The following EPHA2 variants were observed in gnomAD, a reference collection of about 807,000 sequenced individuals.
EPHA2 encodes the protein ephrin type-A receptor 2.
In EPHA2, 54 loss-of-function variants were observed where a neutral mutation model predicts 104.9. That is an observed-to-expected ratio of 0.51 (90% CI 0.41 to 0.65). EPHA2 has a LOEUF of 0.65. Ranked by LOEUF, EPHA2 falls within the 30% of genes least tolerant of loss-of-function variation. The pLI is 0.00. For missense variants in EPHA2, 1,117 were observed against 1,369.5 expected (o/e 0.82, Z 2.91); for synonymous variants, 560 against 559.1 (o/e 1.00, Z -0.02).
At chr1:16,141,876 C>A (rs976225644) in intron 3 of EPHA2, among the ~76,000 whole-genome samples, 2 of 152,224 alleles carry the variant, frequency 1.3e-5, no homozygotes, top group South Asian at 4.1e-4. Context: ...GCCTGCCTGA[C>A]GAGATGTGCT....
At chr1:16,153,257 G>T in intron 1 of EPHA2, 1 of 985,358 alleles carries the variant, frequency 1.0e-6, no homozygotes, top group Non-Finnish European at 1.2e-6. Context: ...CCCGGTCTCC[G>T]GTCCTTCTCC....
At chr1:16,138,782 A>G (rs1440445056) in intron 3 of EPHA2, among the ~76,000 whole-genome samples, 1 of 152,176 alleles carries the variant, frequency 6.6e-6, no homozygotes, top group Non-Finnish European at 1.5e-5. Flanking sequence ...TTGACCAAGC[A>G]CGCTGCCCAC....
intron 3 of EPHA2, among the ~76,000 whole-genome samples, chr1:16,139,444 A>T (rs2024781019): frequency 6.6e-6 from 1 of 152,160 alleles, no homozygotes; most frequent in Non-Finnish European, 1.5e-5. Flanking sequence ...ACACACAATG[A>T]TCCTCTGCTC....
At chr1:16,145,575 G>A (rs112732720) in intron 3 of EPHA2, among the ~76,000 whole-genome samples, 2 of 152,112 alleles carry the variant, frequency 1.3e-5, no homozygotes, top group Non-Finnish European at 2.9e-5. Context: ...CCAGGCCTGG[G>A]GAGGGTCCGG....
In EPHA2 at chr1:16,148,779, T is replaced by C; in HGVS notation, c.422A>G (p.Lys141Arg). The change falls in exon 3 of 17, where the codon AAG (lysine) becomes AGG (arginine). Residue 141 changes from lysine (K) to arginine (R), a missense_variant. Physicochemically the swap from Lys to Arg is conservative, Grantham distance 26 (BLOSUM62 2). Coordinates refer to ENST00000358432, the MANE Select transcript of EPHA2 (RefSeq NM_004431.5). This position sits in a 1 kb window ranked among gnomAD's most constrained non-coding sequence, Gnocchi z 4.9. ...GTNFQKRLFT[K>R]IDTIAPDEIT... ...CTCATCGGGCGCAATGGTGTCAATC[T>C]TGGTGAACAGGCGCTTCTGGAAGTT... The C allele has an allele frequency of 6.2e-7, 1 of 1,614,162 alleles. No individual in the cohort carries two copies. Among genetic ancestry groups the C allele is most frequent in the Non-Finnish European group, 8.5e-7 (1 of 1,180,048 alleles).
rs2024581511 is a variant in EPHA2, at chr1:16,132,126, C to A, written c.2263G>T (p.Val755Leu). 2.5e-6 allele frequency: 4 copies of A among 1,614,228 alleles called. No homozygotes were observed. Among genetic ancestry groups the A allele is most frequent in the East Asian group, 2.2e-5 (1 of 44,888 alleles). ...ILVNSNLVCKVSDFGLSRVLE... is the reference protein window; with the variant it reads ...ILVNSNLVCKLSDFGLSRVLE... Reference sequence around the variant, plus strand: ...ACGCGGGACAGGCCAAAGTCAGACACCTTGCAGACCAGGTTGCTGTTGACG... The same window carrying A: ...ACGCGGGACAGGCCAAAGTCAGACAACTTGCAGACCAGGTTGCTGTTGACG... Residue 755 changes from valine (V) to leucine (L), a missense_variant, in exon 13 of 17, where the codon GTG becomes TTG. Physicochemically the swap from Val to Leu is conservative, Grantham distance 32. Transcript: ENST00000358432.
Position 16,130,285 on chromosome 1 carries a change from G to C in EPHA2, c.2610C>G (p.Ile870Met). 1 of 1,613,392 alleles carries C rather than the reference G, an allele frequency of 6.2e-7. No homozygotes were observed. Among genetic ancestry groups the C allele is most frequent in the Non-Finnish European group, 8.5e-7 (1 of 1,179,514 alleles). ...RRPKFADIVS[I>M]LDKLIRAPDS... Reference sequence around the variant, plus strand: ...CAGGGGCACGAATGAGCTTGTCCAGGATGCTGACGATGTCAGCGAACTTGG... The same window carrying C: ...CAGGGGCACGAATGAGCTTGTCCAGCATGCTGACGATGTCAGCGAACTTGG... Residue 870 changes from isoleucine to methionine, a missense_variant, in exon 15 of 17, where the codon ATC (isoleucine) becomes ATG (methionine). By Grantham distance (10) the Ile-to-Met change is conservative. Transcript: ENST00000358432. The surrounding 1 kb of genome is among the most constrained non-coding windows in gnomAD (Gnocchi z 4.5).
chr1:16,145,238 G>GGTCAGCCCGAGCGACTCCACT (rs1557513167), intron 3 of EPHA2, among the ~76,000 whole-genome samples: 25 of 152,200 alleles, frequency 1.6e-4, no homozygotes. Flanking sequence ...GGGGGACAGC[G>GGTCAGCCCGAGCGACTCCACT]GTCAGCCCGA....
In EPHA2 at chr1:16,144,511, C is replaced by T. The variant is rs1305178189; in HGVS notation, c.823+3867G>A. 2.6e-5 allele frequency among the ~76,000 whole-genome samples: 4 copies of T among 152,218 alleles called. No homozygotes were observed. In the South Asian group the frequency reaches 8.3e-4, roughly 31 times the overall value. On this transcript the variant is annotated intron_variant, in intron 3 of 16. Transcript: ENST00000358432. ...ACAGACATACCCTGGCCAGGGGACT[C>T]CTCCCTGTCAGCTATGGACTTTAGG...
chr1:16,131,839 G>C lies in EPHA2; in HGVS notation c.2357C>G (p.Pro786Arg), dbSNP rs760459530. 1 of 1,613,980 alleles carries C rather than the reference G, an allele frequency of 6.2e-7. No individual in the cohort carries two copies. Among genetic ancestry groups the C allele is most frequent in the Non-Finnish European group, 8.5e-7 (1 of 1,180,002 alleles). The change falls in exon 14 of 17, where the codon CCG (proline) becomes CGG (arginine). Residue 786 changes from proline to arginine, a missense_variant. Transcript: ENST00000358432. The surrounding 1 kb of genome is among the most constrained non-coding windows in gnomAD (Gnocchi z 5.2). ...GAACTTCCGGTAGGAAATGGCCTCCGGGGCGGTCCAGCGGATGGGGATCTT... is the reference window on the plus strand; with the variant it reads ...GAACTTCCGGTAGGAAATGGCCTCCCGGGCGGTCCAGCGGATGGGGATCTT... ...GGKIPIRWTA[P>R]EAISYRKFTS... is the part of the protein sequence containing the mutation.
chr1:16,129,531 ACACCGTGCGGAAGGG>A lies in EPHA2; in HGVS notation c.2713_2727del (p.Pro905_Val909del). ...ATCTTGATGGACTCCAGCCACTCGG[ACACCGTGCGGAAGGG>A]CACCCCCTCCGAGCCGCTCGTGCTG... On this transcript the variant is annotated inframe_deletion, in exon 16 of 17. Transcript: ENST00000358432. 6.2e-7 allele frequency: 1 copy of A among 1,613,506 alleles called. No homozygotes were observed. Among genetic ancestry groups the A allele is most frequent in the Non-Finnish European group, 8.5e-7 (1 of 1,179,998 alleles).
In EPHA2 at chr1:16,138,100, C is replaced by G. The variant is rs778328418; in HGVS notation, c.1065G>C (p.Gly355=). ...ELRWTPPQDS[G]GREDIVYSVT... ...CGCTGTAGACAATGTCCTCGCGGCC[C>G]CCGCTGTCCTGAGGGGGCGTCCAGC... The change falls in exon 5 of 17, where the codon GGG becomes GGC. Residue 355 remains glycine, a synonymous_variant. Transcript: ENST00000358432. 1 of 1,610,252 alleles carries G rather than the reference C, an allele frequency of 6.2e-7. No individual in the cohort carries two copies. The highest frequency in any genetic ancestry group is 8.5e-7 in the Non-Finnish European group (1 of 1,179,550).
chr1:16,155,078 C>T (rs1261382145), intron 1 of EPHA2: 1 of 152,124 alleles, frequency 6.6e-6, no homozygotes, highest in East Asian at 1.9e-4. Flanking sequence ...ATTCAGTCCC[C>T]CACCCCCGGG....
chr1:16,152,480 T>C (rs2025060225), intron 1 of EPHA2, among the ~76,000 whole-genome samples: 1 of 128,902 alleles, frequency 7.8e-6, no homozygotes, highest in South Asian at 2.9e-4. Flanking sequence ...TGACAGAGGC[T>C]GTGGGGATAG....
chr1:16,152,243 G>A (rs189383006), intron 1 of EPHA2, among the ~76,000 whole-genome samples: 16 of 152,362 alleles, frequency 1.1e-4, no homozygotes, highest in African/African-American at 3.6e-4. Flanking sequence ...AGAGCTCCAG[G>A]CAGGCTGGGA....
rs374687482 is a variant in EPHA2, at chr1:16,138,076, G to A, written c.1089C>T (p.Ser363=). 7.5e-5 allele frequency: 121 copies of A among 1,612,136 alleles called. No homozygotes were observed. In the African/African-American group the frequency reaches 1.2e-3, roughly 16 times the overall value. The change falls in exon 5 of 17, where the codon AGC becomes AGT. Residue 363 remains serine, a synonymous_variant. Coordinates refer to ENST00000358432, the MANE Select transcript of EPHA2 (RefSeq NM_004431.5). ...DSGGREDIVY[S]VTCEQCWPES... ...CGGGCCAGCACTGTTCGCAGGTGAC[G>A]CTGTAGACAATGTCCTCGCGGCCCC...
At chr1:16,126,701 AC>A (rs2024475233) in intron 16 of EPHA2, among the ~76,000 whole-genome samples, 1 of 152,092 alleles carries the variant, frequency 6.6e-6, no homozygotes, top group Non-Finnish European at 1.5e-5. Flanking sequence ...AGGAGACAGG[AC>A]CCCCGGCCTG....
In EPHA2 at chr1:16,131,850, G is replaced by C; in HGVS notation, c.2346C>G (p.Arg782=). ...YTTSGGKIPI[R]WTAPEAISYR... is the part of the protein sequence containing the mutation. The stretch of plus-strand genomic sequence containing the variant: ...AGGAAATGGCCTCCGGGGCGGTCCA[G>C]CGGATGGGGATCTTGCCGCCCTGCA... The change falls in exon 14 of 17, where the codon CGC becomes CGG. Residue 782 remains arginine, a synonymous_variant. Coordinates refer to ENST00000358432, the MANE Select transcript of EPHA2 (RefSeq NM_004431.5). This position sits in a 1 kb window ranked among gnomAD's most constrained non-coding sequence, Gnocchi z 5.2. 1 of 1,613,942 alleles carries C rather than the reference G, an allele frequency of 6.2e-7. No homozygotes were observed. The highest frequency in any genetic ancestry group is 2.2e-5 in the East Asian group (1 of 44,878).
intron 1 of EPHA2, among the ~76,000 whole-genome samples, chr1:16,153,612 G>A (rs2025088749): frequency 6.6e-6 from 1 of 152,210 alleles, no homozygotes; most frequent in Admixed American, 6.5e-5. Flanking sequence ...CTCAGGTCTG[G>A]TCCTCTGTCC....
Sources: gnomAD v4.1 joint callset for allele counts (sites outside exome capture counted in the v4.1 genomes callset) on GRCh38, gnomAD v4.1.1 for gene constraint, Gnocchi (gnomAD v3.1) non-coding constraint, MANE v1.5 for transcripts, NCBI Gene and HGNC (gene_info 2026-07-23, HGNC 2026-07-21) for gene names.